SCRG1: variants seen among roughly 807,000 people sequenced by gnomAD.
The protein encoded by SCRG1 is stimulator of chondrogenesis 1, also known as scrapie-responsive protein 1.
SCRG1 carries 3 observed loss-of-function variants against 7.7 expected under a neutral mutation model. The ratio of observed to expected loss-of-function variants is 0.39; its 90% CI spans 0.18 to 1.01. SCRG1 has a LOEUF of 1.01. Ranked by LOEUF, SCRG1 falls within the 50% of genes least tolerant of loss-of-function variation. SCRG1 has a pLI of 0.36. For synonymous variants in SCRG1, 46 were observed against 41.2 expected (o/e 1.12, Z -0.44); for missense variants, 110 against 117.2 (o/e 0.94, Z 0.28).
intron 2 of SCRG1, 32 bp downstream of exon 2, chr4:173,391,141 A>C (rs1250329450): frequency 1.9e-6 from 3 of 1,609,250 alleles, no homozygotes; most frequent in Non-Finnish European, 2.5e-6. Context: ...ATACATTTCC[A>C]GGCAATACAC....
chr4:173,479,994 G>A, the SCRG1 span, among the ~76,000 whole-genome samples: 1 of 151,886 alleles, frequency 6.6e-6, no homozygotes, highest in Non-Finnish European at 1.5e-5. Flanking sequence ...TTGTGAGAGA[G>A]CCTCTCGGTC....
the SCRG1 span, among the ~76,000 whole-genome samples, chr4:173,424,870 G>T: frequency 2.1e-5 from 1 of 48,084 alleles, no homozygotes; most frequent in East Asian, 8.0e-4. Flanking sequence ...GATCGCACCA[G>T]CTTGGGTGAC....
chr4:173,426,397 C>T, the SCRG1 span, among the ~76,000 whole-genome samples: 9 of 152,344 alleles, frequency 5.9e-5, no homozygotes, highest in South Asian at 1.9e-3. Context: ...CACCACATAT[C>T]TGTGTCCCTA....
At chr4:173,436,194 T>C in the SCRG1 span, among the ~76,000 whole-genome samples, 1 of 152,232 alleles carries the variant, frequency 6.6e-6, no homozygotes, top group Admixed American at 6.5e-5. Flanking sequence ...CTTAGTGTTC[T>C]GGATTTGATC....
At chr4:173,446,402 CG>C in the SCRG1 span, among the ~76,000 whole-genome samples, 2 of 150,316 alleles carry the variant, frequency 1.3e-5, no homozygotes, top group Non-Finnish European at 3.0e-5. Context: ...CATGCACTCA[CG>C]GGGGGAAAAG....
chr4:173,511,416 A>G, the SCRG1 span, among the ~76,000 whole-genome samples: 1 of 152,014 alleles, frequency 6.6e-6, no homozygotes, highest in Non-Finnish European at 1.5e-5. The surrounding 1 kb of genome is among the most constrained non-coding windows in gnomAD (Gnocchi z 5.2). Flanking sequence ...CTGGCCCTCT[A>G]TACCGTTTTT....
chr4:173,484,114 T>TAATATAC, the SCRG1 span, among the ~76,000 whole-genome samples: 1 of 78,284 alleles, frequency 1.3e-5, no homozygotes, highest in Non-Finnish European at 2.2e-5. Context: ...ATATAATATA[T>TAATATAC]AATATACAAT....
chr4:173,515,988 G>A, the SCRG1 span, among the ~76,000 whole-genome samples: 3 of 152,182 alleles, frequency 2.0e-5, no homozygotes, highest in Non-Finnish European at 2.9e-5. This position sits in a 1 kb window ranked among gnomAD's most constrained non-coding sequence, Gnocchi z 4.6. Context: ...CCAGATTGGA[G>A]AGGTTTACCT....
the SCRG1 span, among the ~76,000 whole-genome samples, chr4:173,479,977 A>G: frequency 1.3e-5 from 2 of 151,764 alleles, no homozygotes; most frequent in Non-Finnish European, 2.9e-5. Flanking sequence ...TTTATTAAAA[A>G]TTTTTTTTGT....
the SCRG1 span, among the ~76,000 whole-genome samples, chr4:173,502,879 A>G: frequency 6.6e-6 from 1 of 152,250 alleles, no homozygotes; most frequent in Admixed American, 6.5e-5. This position sits in a 1 kb window ranked among gnomAD's most constrained non-coding sequence, Gnocchi z 4.6. Flanking sequence ...TTTCTGGACC[A>G]TGATCAGGCA....
At chr4:173,440,967 A>T in the SCRG1 span, among the ~76,000 whole-genome samples, 1 of 152,172 alleles carries the variant, frequency 6.6e-6, no homozygotes, top group South Asian at 2.1e-4. Context: ...ATCCAGTATG[A>T]TCTAATCTTA....
chr4:173,394,182 G>C (rs537140570), intron 1 of SCRG1, among the ~76,000 whole-genome samples: 30 of 151,986 alleles, frequency 2.0e-4, no homozygotes, highest in Non-Finnish European at 3.8e-4. Context: ...CTTGTAATTA[G>C]TTCTTTGGTG....
At chr4:173,455,069 G>C in the SCRG1 span, among the ~76,000 whole-genome samples, 1 of 151,974 alleles carries the variant, frequency 6.6e-6, no homozygotes, top group African/African-American at 2.4e-5. Flanking sequence ...TGAATGAAGT[G>C]ACACCTTAAA....
intron 1 of SCRG1, among the ~76,000 whole-genome samples, chr4:173,395,693 C>G (rs1305898563): frequency 6.6e-6 from 1 of 152,162 alleles, no homozygotes; most frequent in Non-Finnish European, 1.5e-5. Flanking sequence ...ATAATCTGGC[C>G]TACAAGAACT....
the SCRG1 span, among the ~76,000 whole-genome samples, chr4:173,505,975 A>G: frequency 6.6e-6 from 1 of 152,140 alleles, no homozygotes; most frequent in Non-Finnish European, 1.5e-5. This position sits in a 1 kb window ranked among gnomAD's most constrained non-coding sequence, Gnocchi z 4.4. Context: ...GAACCAAGTT[A>G]ATCCTCTCCT....
chr4:173,485,081 T>G, the SCRG1 span, among the ~76,000 whole-genome samples: 1 of 11,332 alleles, frequency 8.8e-5, no homozygotes, highest in Non-Finnish European at 2.1e-4. Context: ...ATATATTATA[T>G]AATATATTAT....
At chr4:173,393,984 A>G (rs1311142306) in intron 1 of SCRG1, among the ~76,000 whole-genome samples, 1 of 151,766 alleles carries the variant, frequency 6.6e-6, no homozygotes, top group East Asian at 1.9e-4. Flanking sequence ...TCATTTCTTT[A>G]CTTTCAGCTT....
the SCRG1 span, among the ~76,000 whole-genome samples, chr4:173,471,734 T>A: frequency 6.6e-6 from 1 of 152,144 alleles, no homozygotes; most frequent in African/African-American, 2.4e-5. Flanking sequence ...TTTGTTTTGC[T>A]TTTTTGCTCT....
the SCRG1 span, among the ~76,000 whole-genome samples, chr4:173,424,448 C>T: frequency 6.6e-6 from 1 of 152,176 alleles, no homozygotes; most frequent in Non-Finnish European, 1.5e-5. Flanking sequence ...GCTGTTTCTT[C>T]TAACCCACAG....
Sources: allele counts gnomAD v4.1 joint callset (sites outside exome capture counted in the v4.1 genomes callset), GRCh38; gene constraint gnomAD v4.1.1; non-coding constraint Gnocchi (gnomAD v3.1); transcripts MANE v1.5; gene names NCBI Gene and HGNC (gene_info 2026-07-23, HGNC 2026-07-21).